The following TPST1 variants were observed in gnomAD, a reference collection of about 807,000 sequenced individuals.
TPST1 encodes protein-tyrosine sulfotransferase 1.
A neutral mutation model predicts 34.8 loss-of-function variants in TPST1; 20 were observed. The ratio of observed to expected loss-of-function variants is 0.57; its 90% confidence interval spans 0.40 to 0.84. The LOEUF (loss-of-function observed/expected upper bound fraction) is 0.84. Ranked by LOEUF, TPST1 falls within the 40% of genes least tolerant of loss-of-function variation. The pLI, the probability that TPST1 is intolerant of heterozygous loss-of-function variation, is 0.00. For synonymous variants in TPST1, 152 were observed against 159.4 expected (o/e 0.95, Z 0.35); for missense variants, 353 against 455.5 (o/e 0.78, Z 2.05).
At chr7:66,228,950 G>A (rs1362310247) in intron 1 of TPST1, among the ~76,000 whole-genome samples, 1 of 152,102 alleles carries the variant, frequency 6.6e-6, no homozygotes, top group Non-Finnish European at 1.5e-5. Context: ...TTTATGCACA[G>A]TTCTGTGACT....
At chr7:66,299,178 T>A (rs187116718) in intron 3 of TPST1, among the ~76,000 whole-genome samples, 1 of 151,930 alleles carries the variant, frequency 6.6e-6, no homozygotes, top group African/African-American at 2.4e-5. Context: ...TGGGCCACAG[T>A]TGGGCTCTTT....
At chr7:66,296,245 C>CTT (rs67670930) in intron 3 of TPST1, among the ~76,000 whole-genome samples, 51 of 105,980 alleles carry the variant, frequency 4.8e-4, no homozygotes, top group African/African-American at 6.2e-4. Flanking sequence ...AACACCCACC[C>CTT]TTCCCCCCCC....
chr7:66,283,127 G>T (rs757367277), intron 2 of TPST1, among the ~76,000 whole-genome samples: 1 of 152,262 alleles, frequency 6.6e-6, no homozygotes, highest in Non-Finnish European at 1.5e-5. Flanking sequence ...ACTGGGTATG[G>T]TGGTGGCCTG....
chr7:66,227,589 C>T (rs190253620), intron 1 of TPST1, among the ~76,000 whole-genome samples: 7 of 151,540 alleles, frequency 4.6e-5, no homozygotes, highest in Admixed American at 1.3e-4. Flanking sequence ...CTCTGGATGC[C>T]GAGTTGAGAA....
chr7:66,271,652 T>A (rs1162783444), intron 2 of TPST1, among the ~76,000 whole-genome samples: 1 of 152,218 alleles, frequency 6.6e-6, no homozygotes, highest in Non-Finnish European at 1.5e-5. Context: ...TTTATTTCAC[T>A]TAGCATAATG....
intron 1 of TPST1, among the ~76,000 whole-genome samples, chr7:66,236,776 CA>C (rs1339418279): frequency 1.3e-5 from 2 of 152,140 alleles, no homozygotes; most frequent in Non-Finnish European, 2.9e-5. Context: ...AATTACACTT[CA>C]ATAAAGCTTT....
intron 1 of TPST1, among the ~76,000 whole-genome samples, chr7:66,225,752 TC>T (rs1554341465): frequency 6.6e-6 from 1 of 152,248 alleles, no homozygotes; most frequent in Non-Finnish European, 1.5e-5. Flanking sequence ...TTACTGTACT[TC>T]TTAAATCAAA....
At chr7:66,306,218 A>G (rs1791421047) in intron 3 of TPST1, among the ~76,000 whole-genome samples, 1 of 152,150 alleles carries the variant, frequency 6.6e-6, no homozygotes, top group Admixed American at 6.5e-5. Context: ...ACTCTTGTGA[A>G]TGCATTTACT....
intron 3 of TPST1, among the ~76,000 whole-genome samples, chr7:66,349,768 T>C (rs1408052387): frequency 1.3e-5 from 2 of 151,862 alleles, no homozygotes; most frequent in African/African-American, 4.8e-5. Context: ...ATTTCTTGAA[T>C]AGAGGGAGAA....
chr7:66,245,766 A>G (rs141565777), intron 2 of TPST1, among the ~76,000 whole-genome samples: 4 of 152,326 alleles, frequency 2.6e-5, no homozygotes, highest in African/African-American at 9.6e-5. Flanking sequence ...AGAATGACAG[A>G]CCATATTCAC....
chr7:66,272,587 C>CT lies in TPST1; in HGVS notation c.846-13907dup, dbSNP rs555211164. Among the ~76,000 whole-genome samples the CT allele has an allele frequency of 8.5e-3, 1,158 of 135,858 alleles. 8 individuals carry two copies. The highest frequency in any genetic ancestry group is 0.021 in the African/African-American group (774 of 37,136). The allele number at this position is 135,858 out of a possible 152,430, so 89.1% of individuals were successfully genotyped here. A position where few individuals can be genotyped will look rare whatever the true frequency, so the allele number is the denominator to read the frequency against. The stretch of plus-strand genomic sequence containing the variant: ...CAGAATACCCACTCTCACCCCAATT[C>CT]TTTTTTTTTTTTTTTTTCTGAGACA... On this transcript the variant is annotated intron_variant, in intron 2 of 5. Transcript: ENST00000304842.
chr7:66,354,739 G>A (rs912170284), intron 4 of TPST1, among the ~76,000 whole-genome samples: 4 of 152,086 alleles, frequency 2.6e-5, no homozygotes, highest in African/African-American at 4.8e-5. Flanking sequence ...TGAGGCTCAC[G>A]CTTGTAATCC....
intron 1 of TPST1, among the ~76,000 whole-genome samples, chr7:66,214,199 C>G (rs1320743332): frequency 1.3e-5 from 2 of 152,054 alleles, no homozygotes; most frequent in African/African-American, 2.4e-5. Context: ...TCTTCATCCT[C>G]TCCATCCCTA....
intron 2 of TPST1, among the ~76,000 whole-genome samples, chr7:66,269,537 A>G (rs1790656384): frequency 1.3e-5 from 2 of 152,244 alleles, no homozygotes; most frequent in Non-Finnish European, 2.9e-5. Flanking sequence ...GGCTCTGGGT[A>G]CAATTCAGTT....
intron 1 of TPST1, among the ~76,000 whole-genome samples, chr7:66,218,974 C>T (rs1236057654): frequency 6.6e-6 from 1 of 151,614 alleles, no homozygotes; most frequent in African/African-American, 2.4e-5. Context: ...TCTGCCTCCC[C>T]GGTTTAAGCA....
At chr7:66,217,860 A>AG (rs1789457259) in intron 1 of TPST1, among the ~76,000 whole-genome samples, 1 of 149,558 alleles carries the variant, frequency 6.7e-6, no homozygotes, top group African/African-American at 2.5e-5. Flanking sequence ...CTGGGATTAC[A>AG]GGTGTGAGCC....
intron 1 of TPST1, among the ~76,000 whole-genome samples, chr7:66,225,245 T>C (rs1789630001): frequency 6.6e-6 from 1 of 152,042 alleles, no homozygotes; most frequent in South Asian, 2.1e-4. Flanking sequence ...AGATCAACCT[T>C]AGCTCTATAA....
chr7:66,351,157 C>T (rs569016825), intron 3 of TPST1, among the ~76,000 whole-genome samples: 12 of 152,248 alleles, frequency 7.9e-5, no homozygotes, highest in African/African-American at 2.9e-4. Flanking sequence ...TTTGTTTTAC[C>T]TACTTAGTAG....
At chr7:66,230,154 C>T (rs1247009810) in intron 1 of TPST1, among the ~76,000 whole-genome samples, 2 of 152,210 alleles carry the variant, frequency 1.3e-5, no homozygotes, top group African/African-American at 4.8e-5. Flanking sequence ...CGCCCCTGCA[C>T]TCCAGCCTGG....
Sources: allele counts gnomAD v4.1 joint callset (sites outside exome capture counted in the v4.1 genomes callset), GRCh38; gene constraint gnomAD v4.1.1; transcripts MANE v1.5; gene names NCBI Gene and HGNC (gene_info 2026-07-23, HGNC 2026-07-21).